LDHB: variants seen among roughly 807,000 people sequenced by gnomAD.
LDHB encodes the protein L-lactate dehydrogenase B chain.
A neutral mutation model predicts 33.4 loss-of-function variants in LDHB; 18 were observed. The observed-to-expected ratio is 0.54, with a 90% confidence interval of 0.37 to 0.80. The LOEUF (loss-of-function observed/expected upper bound fraction) is 0.80. Ranked by LOEUF, LDHB falls within the 30% of genes least tolerant of loss-of-function variation. The probability of loss-of-function intolerance (pLI) is 0.00; values close to 1 mark genes in which losing one functional copy is unlikely to be tolerated. For synonymous variants in LDHB, 121 were observed against 140.6 expected (o/e 0.86, Z 0.98); for missense variants, 345 against 407.9 (o/e 0.85, Z 1.33).
chr12:21,645,043 G>C (rs984444511), intron 3 of LDHB, among the ~76,000 whole-genome samples: 8 of 152,090 alleles, frequency 5.3e-5, no homozygotes, highest in Admixed American at 3.3e-4. Context: ...AAATTCTTCT[G>C]CCTTGAGATG....
intron 3 of LDHB, among the ~76,000 whole-genome samples, chr12:21,644,572 T>TA (rs1414817943): frequency 1.3e-5 from 2 of 152,196 alleles, no homozygotes; most frequent in African/African-American, 4.8e-5. Flanking sequence ...CTCAATATTT[T>TA]TAGGAAGCTT....
Position 21,637,107 on chromosome 12 carries a change from A to G in LDHB, c.801T>C (p.Asn267=), listed in dbSNP as rs1591826196. 6.2e-7 allele frequency: 1 copy of G among 1,608,652 alleles called. No individual in the cohort carries two copies. Among genetic ancestry groups the G allele is most frequent in the Non-Finnish European group, 8.5e-7 (1 of 1,175,888 alleles). The change falls in exon 7 of 8, where the codon AAT becomes AAC. Residue 267 remains asparagine (N), a synonymous_variant. Transcript: ENST00000350669. Reference sequence around the variant, plus strand: ...TTGACACGGGATGAATCCTGGATAGATTTTTCAACATGGATTCAATAAGAT... The same window carrying G: ...TTGACACGGGATGAATCCTGGATAGGTTTTTCAACATGGATTCAATAAGAT... ...VADLIESMLK[N]LSRIHPVSTM...
chr12:21,642,448 G>A (rs1316239507), intron 4 of LDHB, among the ~76,000 whole-genome samples: 2 of 151,886 alleles, frequency 1.3e-5, no homozygotes, highest in African/African-American at 4.8e-5. Context: ...AAACAAAACA[G>A]GTTGAACCAG....
chr12:21,651,420 T>A (rs1287650537), intron 2 of LDHB, among the ~76,000 whole-genome samples: 1 of 152,144 alleles, frequency 6.6e-6, no homozygotes, highest in Non-Finnish European at 1.5e-5. Flanking sequence ...AATAATCAAG[T>A]CTTCATATGG....
chr12:21,635,871 C>T (rs951675374), intron 7 of LDHB, among the ~76,000 whole-genome samples, 162 bp from the exon 8 acceptor site: 2 of 152,046 alleles, frequency 1.3e-5, no homozygotes, highest in Non-Finnish European at 2.9e-5. Flanking sequence ...AGAGCAAGAA[C>T]TAATCTCTAA....
chr12:21,642,848 A>T (rs140072020), intron 4 of LDHB, among the ~76,000 whole-genome samples: 155 of 152,310 alleles, frequency 1.0e-3, no homozygotes, highest in African/African-American at 3.6e-3. Context: ...AAGATAATTC[A>T]AGGACATTTG....
At chr12:21,636,099 T>C in intron 7 of LDHB, among the ~76,000 whole-genome samples, 1 of 152,146 alleles carries the variant, frequency 6.6e-6, no homozygotes, top group Middle Eastern at 3.2e-3. Context: ...CTTATTTAAT[T>C]TTATTATATA....
At chr12:21,639,052 A>G (rs892293283) in intron 5 of LDHB, among the ~76,000 whole-genome samples, 5 of 151,966 alleles carry the variant, frequency 3.3e-5, no homozygotes, top group African/African-American at 1.2e-4. Context: ...GGAGGAGTAC[A>G]TTGTAGACTC....
intron 3 of LDHB, among the ~76,000 whole-genome samples, chr12:21,645,226 C>CA (rs1225261803): frequency 3.0e-5 from 1 of 33,108 alleles, no homozygotes; most frequent in African/African-American, 6.0e-5. Context: ...CCCAGAGACA[C>CA]AGTACACTAT....
intron 7 of LDHB, 58 bp downstream of exon 7, chr12:21,637,013 T>A (rs1938237290): frequency 7.2e-7 from 1 of 1,394,594 alleles, no homozygotes; most frequent in Non-Finnish European, 1.0e-6. Context: ...TTTAAATGAA[T>A]CTTTTTGTAG....
intron 2 of LDHB, among the ~76,000 whole-genome samples, chr12:21,651,032 C>A (rs940153993): frequency 1.3e-5 from 2 of 152,200 alleles, no homozygotes; most frequent in Non-Finnish European, 2.9e-5. Flanking sequence ...AAGGGGTCAA[C>A]CCTGTGGCCT....
intron 2 of LDHB, 21 bp from the exon 3 acceptor site, chr12:21,647,037 AT>A: frequency 6.8e-7 from 1 of 1,480,404 alleles, no homozygotes; most frequent in East Asian, 2.3e-5. Context: ...AAAAACAGGC[AT>A]TAGAACCCTA....
At chr12:21,654,782 T>A (rs1565631539) in intron 1 of LDHB, 105 bp from the exon 2 acceptor site, 12 of 911,778 alleles carry the variant, frequency 1.3e-5, no homozygotes, top group Non-Finnish European at 2.2e-5. Context: ...AAGTACAACT[T>A]AAAATGAGCC....
intron 2 of LDHB, among the ~76,000 whole-genome samples, chr12:21,651,498 T>C (rs780026469): frequency 2.0e-5 from 3 of 152,096 alleles, no homozygotes; most frequent in African/African-American, 4.8e-5. Flanking sequence ...CTCCTCAACC[T>C]CTCCAATGCT....
At chr12:21,637,957 T>C (rs1388057150) in intron 6 of LDHB, among the ~76,000 whole-genome samples, 1 of 152,016 alleles carries the variant, frequency 6.6e-6, no homozygotes, top group African/African-American at 2.4e-5. Flanking sequence ...CATCAGTTAG[T>C]CCTGTTATTA....
chr12:21,657,758 G>C lies in LDHB; in HGVS notation c.-14C>G, dbSNP rs1214331804. 6.6e-6 allele frequency: 1 copy of C among 152,474 alleles called. No homozygotes were observed. Among genetic ancestry groups the C allele is most frequent in the East Asian group, 1.9e-4 (1 of 5,178 alleles). 9.4% of individuals were successfully genotyped at this position (152,474 alleles called of 1,614,324 possible). A position where few individuals can be genotyped will look rare whatever the true frequency, so the allele number is the denominator to read the frequency against. On this transcript the variant is annotated 5_prime_UTR_variant, in exon 1 of 8. Transcript: ENST00000350669. The stretch of plus-strand genomic sequence containing the variant: ...TCCTGAGCCGAAACCTACCAGGAGA[G>C]AGAAGGCTCTGGAGACCTCTGTAAC...
Position 21,656,114 on chromosome 12 carries a change from T to A in LDHB, c.-6-1437A>T, listed in dbSNP as rs540909138. ...TTCTAATCTGCAATGGACTAAGCAA[T>A]AAGTCTAGTCTATTAACTGTATACG... On this transcript the variant is annotated intron_variant, in intron 1 of 7. Coordinates refer to ENST00000350669, the MANE Select transcript of LDHB (RefSeq NM_002300.8). Among the ~76,000 whole-genome samples, 8 of 152,356 alleles carry A rather than the reference T, an allele frequency of 5.3e-5. No homozygotes were observed. The South Asian group carries it at 1.0e-3, about 20-fold the overall frequency.
chr12:21,638,745 C>T (rs946056868), intron 5 of LDHB, among the ~76,000 whole-genome samples: 5 of 151,918 alleles, frequency 3.3e-5, no homozygotes, highest in African/African-American at 1.2e-4. Context: ...AAATTCTTTG[C>T]TTCTCTCTAG....
At chr12:21,656,338 A>C (rs1287237132) in intron 1 of LDHB, among the ~76,000 whole-genome samples, 2 of 152,240 alleles carry the variant, frequency 1.3e-5, no homozygotes, top group African/African-American at 4.8e-5. Flanking sequence ...GAGAAGATGC[A>C]ATGTTGTGCA....
Sources: allele counts gnomAD v4.1 joint callset (sites outside exome capture counted in the v4.1 genomes callset), GRCh38; gene constraint gnomAD v4.1.1; transcripts MANE v1.5; gene names NCBI Gene and HGNC (gene_info 2026-07-23, HGNC 2026-07-21).